Variants in OSBPL10 observed in about 807,000 individuals in gnomAD.
OSBPL10 encodes oxysterol-binding protein-related protein 10.
In OSBPL10, 49 loss-of-function variants were observed where a neutral mutation model predicts 81.7. The ratio of observed to expected loss-of-function variants is 0.60; its 90% CI spans 0.48 to 0.76. The LOEUF (loss-of-function observed/expected upper bound fraction) is 0.76. OSBPL10 is among the 30% of genes least tolerant of loss of function. The pLI is 0.00. For synonymous variants in OSBPL10, 419 were observed against 383.6 expected, an observed-to-expected ratio of 1.09 and a Z score of -1.08; for missense variants, 923 against 987.8, an observed-to-expected ratio of 0.93 and a Z score of 0.88.
chr3:31,709,472 C>T (rs1303392023), intron 6 of OSBPL10: 2 of 152,090 alleles, frequency 1.3e-5, no homozygotes, highest in African/African-American at 2.4e-5. Flanking sequence ...ATTCAACAGG[C>T]GTTCCTTTAA....
chr3:31,930,963 G>A (rs1483479248), intron 1 of OSBPL10, among the ~76,000 whole-genome samples: 7 of 139,086 alleles, frequency 5.0e-5, no homozygotes, highest in Non-Finnish European at 9.0e-5. Flanking sequence ...GCAGTGAGCC[G>A]AGATCCCCCC....
intron 1 of OSBPL10, among the ~76,000 whole-genome samples, chr3:31,957,919 G>C (rs1236335366): frequency 6.6e-6 from 1 of 152,176 alleles, no homozygotes; most frequent in Non-Finnish European, 1.5e-5. Flanking sequence ...GATTACAGGC[G>C]TGAGCCACCG....
chr3:31,962,074 C>A (rs12632574), intron 1 of OSBPL10, among the ~76,000 whole-genome samples: 7,418 of 152,198 alleles, frequency 0.049, 240 homozygotes, highest in East Asian at 0.12. Context: ...CCTGCCTCAG[C>A]CTCCTGGGTA....
At chr3:32,000,783 C>G (rs762381434) in intron 2 of OSBPL10, among the ~76,000 whole-genome samples, 58 of 152,160 alleles carry the variant, frequency 3.8e-4, no homozygotes, top group Non-Finnish European at 2.8e-4. Context: ...GCACTCTCCC[C>G]CTTCTTCCTG....
At chr3:31,712,038 A>G (rs1294356361) in intron 6 of OSBPL10, among the ~76,000 whole-genome samples, 1 of 152,012 alleles carries the variant, frequency 6.6e-6, no homozygotes, top group Non-Finnish European at 1.5e-5. Flanking sequence ...TAGCCAAGAG[A>G]AGGAGGGGAC....
At chr3:31,699,622 GA>G (rs1258427586) in intron 7 of OSBPL10, among the ~76,000 whole-genome samples, 4 of 152,244 alleles carry the variant, frequency 2.6e-5, no homozygotes, top group African/African-American at 9.6e-5. Context: ...TCAAGACAGT[GA>G]TAGCAGGGCA....
intron 4 of OSBPL10, chr3:31,794,904 G>A: frequency 2.7e-6 from 1 of 364,872 alleles, no homozygotes; most frequent in East Asian, 9.0e-5. Flanking sequence ...ACATTGGAGA[G>A]AAACTCGAGA....
chr3:32,011,939 TATGTGAA>T (rs1336190250), intron 2 of OSBPL10, among the ~76,000 whole-genome samples: 2 of 152,160 alleles, frequency 1.3e-5, no homozygotes, highest in Non-Finnish European at 2.9e-5. Context: ...AATATGGGAC[TATGTGAA>T]AAGACCGAAT....
At chr3:31,708,678 C>CAT (rs1696151856) in intron 6 of OSBPL10, 22 of 962,378 alleles carry the variant, frequency 2.3e-5, no homozygotes, top group Non-Finnish European at 2.5e-5. Context: ...AAAGTTTTGG[C>CAT]ATATGAATGC....
intron 2 of OSBPL10, among the ~76,000 whole-genome samples, chr3:32,002,211 C>A (rs1444020564): frequency 2.0e-5 from 3 of 152,122 alleles, no homozygotes; most frequent in Non-Finnish European, 4.4e-5. Flanking sequence ...TTTTATCCTG[C>A]ATTTTAGGTG....
chr3:31,806,792 G>A (rs1011888240), intron 4 of OSBPL10, among the ~76,000 whole-genome samples: 9 of 152,020 alleles, frequency 5.9e-5, no homozygotes, highest in African/African-American at 2.2e-4. Context: ...AGGAAGTTGG[G>A]GGGTGGGGGG....
At chr3:31,922,042 A>G (rs1228309074) in intron 1 of OSBPL10, among the ~76,000 whole-genome samples, 1 of 152,210 alleles carries the variant, frequency 6.6e-6, no homozygotes, top group Non-Finnish European at 1.5e-5. Flanking sequence ...AAGGTCATCA[A>G]AAACAACGGA....
chr3:31,723,759 A>G (rs1206388534), intron 6 of OSBPL10, among the ~76,000 whole-genome samples: 2 of 152,238 alleles, frequency 1.3e-5, no homozygotes, highest in Non-Finnish European at 2.9e-5. Context: ...TAAATGTGAG[A>G]AATATTTTAC....
chr3:31,668,186 A>G (rs1174478983), intron 10 of OSBPL10, among the ~76,000 whole-genome samples: 2 of 152,240 alleles, frequency 1.3e-5, no homozygotes, highest in Non-Finnish European at 2.9e-5. Flanking sequence ...CCATGCAGCT[A>G]AACTGCACAC....
chr3:31,907,619 C>CCAAAAAAA (rs1308181377), intron 1 of OSBPL10, among the ~76,000 whole-genome samples: 1 of 63,860 alleles, frequency 1.6e-5, no homozygotes, highest in African/African-American at 6.9e-5. Flanking sequence ...ACCTCCATCT[C>CCAAAAAAA]AAAAAAAAAA....
At chr3:31,783,014 A>G (rs1432712772) in intron 4 of OSBPL10, among the ~76,000 whole-genome samples, 1 of 151,714 alleles carries the variant, frequency 6.6e-6, no homozygotes, top group Non-Finnish European at 1.5e-5. Context: ...ACAATTTGCA[A>G]TTGCAAAAAT....
chr3:31,894,331 T>A (rs1473463028), intron 1 of OSBPL10, among the ~76,000 whole-genome samples: 1 of 152,140 alleles, frequency 6.6e-6, no homozygotes, highest in Non-Finnish European at 1.5e-5. Context: ...GGAACGGGCC[T>A]GGGACCAAGA....
chr3:31,728,481 C>T (rs2125654659), intron 6 of OSBPL10, among the ~76,000 whole-genome samples: 1 of 152,212 alleles, frequency 6.6e-6, no homozygotes, highest in East Asian at 1.9e-4. Flanking sequence ...CCATTTTACC[C>T]ATAAAAAATA....
chr3:31,839,316 C>G (rs1242463450), intron 3 of OSBPL10, among the ~76,000 whole-genome samples: 1 of 152,180 alleles, frequency 6.6e-6, no homozygotes, highest in African/African-American at 2.4e-5. Context: ...TCAACTGACT[C>G]ACATTATTCA....
Sources: gnomAD v4.1 joint callset for allele counts (sites outside exome capture counted in the v4.1 genomes callset) on GRCh38, gnomAD v4.1.1 for gene constraint, MANE v1.5 for transcripts, NCBI Gene and HGNC (gene_info 2026-07-23, HGNC 2026-07-21) for gene names.